SDSL: variants seen among roughly 807,000 people sequenced by gnomAD.
The protein encoded by SDSL is serine dehydratase-like.
SDSL carries 26 observed loss-of-function variants against 27.6 expected under a neutral mutation model. The ratio of observed to expected loss-of-function variants is 0.94; its 90% confidence interval spans 0.69 to 1.31. The LOEUF (loss-of-function observed/expected upper bound fraction) is 1.31, where lower values mean the gene tolerates loss of function less well. SDSL is among the 50% of genes most tolerant of loss of function. SDSL has a pLI of 0.00. For synonymous variants in SDSL, 196 were observed against 180.6 expected, an observed-to-expected ratio of 1.09 and a Z score of -0.69; for missense variants, 431 against 423.5, an observed-to-expected ratio of 1.02 and a Z score of -0.16.
At position 113,429,356 on chromosome 12, in the gene SDSL, C is replaced by T. The variant is rs577974462; in HGVS notation, c.354+57C>T. ...GGTGGGCTGCTCTCCTTCACCTCAC[C>T]CCACCCCTAAGACATCCTGTCTCCT... is the stretch of plus-strand genomic sequence containing the variant. On this transcript the variant is annotated intron_variant, in intron 4 of 7. Coordinates refer to ENST00000403593, the MANE Select transcript of SDSL (RefSeq NM_001304993.2). 2.6e-6 allele frequency: 4 copies of T among 1,545,310 alleles called. No individual in the cohort carries two copies. The African/African-American group carries it at 4.1e-5, about 16-fold the overall frequency.
intron 1 of SDSL, among the ~76,000 whole-genome samples, chr12:113,423,480 C>T (rs755996717): frequency 6.6e-6 from 1 of 152,124 alleles, no homozygotes; most frequent in Non-Finnish European, 1.5e-5. Flanking sequence ...AGGTGGCTCA[C>T]ACCTGTTATC....
chr12:113,428,519 C>T (rs577555864), intron 3 of SDSL, 60 bp downstream of exon 3: 16 of 1,485,908 alleles, frequency 1.1e-5, no homozygotes, highest in South Asian at 5.0e-5. Flanking sequence ...TAGGCTGGAG[C>T]GGCAGTACAC....
Position 113,437,883 on chromosome 12 carries a change from C to A in SDSL, c.797-3C>A, listed in dbSNP as rs1958018069. ...TCCTCTCTCCATCCCCCGATCCTGGCAGATGATGAGCGTATGCTGGTGGAG... is the reference window on the plus strand; with the variant it reads ...TCCTCTCTCCATCCCCCGATCCTGGAAGATGATGAGCGTATGCTGGTGGAG... On this transcript the variant is annotated splice_polypyrimidine_tract_variant and splice_region_variant and intron_variant, in intron 7 of 7. Transcript: ENST00000403593. The A allele has an allele frequency of 1.3e-6, 2 of 1,590,516 alleles. No homozygotes were observed. The highest frequency in any genetic ancestry group is 1.1e-5 in the South Asian group (1 of 88,020).
chr12:113,429,857 G>A (rs944357965), intron 4 of SDSL, among the ~76,000 whole-genome samples: 3 of 152,066 alleles, frequency 2.0e-5, no homozygotes, highest in Non-Finnish European at 4.4e-5. Flanking sequence ...ACTATGGTAC[G>A]TTAAAGCTGG....
At chr12:113,436,383 G>A (rs1332292745) in intron 6 of SDSL, among the ~76,000 whole-genome samples, 1 of 151,814 alleles carries the variant, frequency 6.6e-6, no homozygotes, top group Non-Finnish European at 1.5e-5. Context: ...CTACCTGCTG[G>A]GTTCAAGTGA....
Position 113,435,490 on chromosome 12 carries a change from A to C in SDSL, c.605A>C (p.His202Pro). The change falls in exon 6 of 8, where the codon CAT (histidine) becomes CCT (proline). Residue 202 changes from histidine to proline, a missense_variant. His to Pro is a moderately conservative substitution (Grantham distance 77). Transcript: ENST00000403593. ...GTACCCATCATTGCCATGGAGACCC[A>C]TGGGGCACACTGCTTCAATGCGGCC... ...QHVPIIAMET[H>P]GAHCFNAAIT... 6.2e-7 allele frequency: 1 copy of C among 1,614,126 alleles called. No individual in the cohort carries two copies. Among genetic ancestry groups the C allele is most frequent in the Non-Finnish European group, 8.5e-7 (1 of 1,179,998 alleles).
At chr12:113,432,244 CTTTCTTTCTTTCTTTCTTTCTT>C (rs1273928536) in intron 4 of SDSL, among the ~76,000 whole-genome samples, 55 of 137,568 alleles carry the variant, frequency 4.0e-4, no homozygotes, top group African/African-American at 1.5e-3. Context: ...TTCTTTCTTT[CTTTCTTTCTTTCTTTCTTTCTT>C]TCTTTCTTTC....
chr12:113,426,183 G>C, intron 1 of SDSL: 2 of 454,972 alleles, frequency 4.4e-6, no homozygotes, highest in Non-Finnish European at 8.8e-6. Context: ...CTGCATCCGC[G>C]GCACCCCAAA....
Position 113,434,319 on chromosome 12 carries a change from A to AG in SDSL, c.443+101dup, listed in dbSNP as rs1319778045. ...GGCAGAAGGAGAAACTGAGGCCCAG[A>AG]GGGGAGAAGAGGCTTCAAAGCCAGG... is the stretch of plus-strand genomic sequence containing the variant. On this transcript the variant is annotated intron_variant, in intron 5 of 7. Coordinates refer to ENST00000403593, the MANE Select transcript of SDSL (RefSeq NM_001304993.2). 35 of 885,536 alleles carry AG rather than the reference A, an allele frequency of 4.0e-5. 1 individual carries two copies. Among genetic ancestry groups the AG allele is most frequent in the Non-Finnish European group, 5.5e-5 (32 of 582,672 alleles). The allele number at this position is 885,536 out of a possible 1,614,324, so 54.9% of individuals were successfully genotyped here. A position where few individuals can be genotyped will look rare whatever the true frequency, so the allele number is the denominator to read the frequency against.
intron 2 of SDSL, 68 bp downstream of exon 2, chr12:113,428,224 G>A: frequency 6.8e-7 from 1 of 1,481,478 alleles, no homozygotes; most frequent in Non-Finnish European, 9.2e-7. Flanking sequence ...GAGGGGTGTG[G>A]GCTGGGGACG....
rs1957976109 is a variant in SDSL, at chr12:113,435,375, A to G, written c.490A>G (p.Thr164Ala). 1.9e-6 allele frequency: 3 copies of G among 1,598,642 alleles called. No individual in the cohort carries two copies. In the South Asian group the frequency reaches 3.4e-5, roughly 18 times the overall value. Residue 164 changes from threonine (T) to alanine (A), a missense_variant, in exon 6 of 8, where the codon ACC becomes GCC. By Grantham distance (58) the Thr-to-Ala change is moderately conservative. Transcript: ENST00000403593. Reference protein sequence around the residue: ...LVQELKAVLRTPPGALVLAVG... With the variant: ...LVQELKAVLRAPPGALVLAVG... ...GCAGGAGCTGAAAGCAGTGCTGAGG[A>G]CCCCACCAGGTGCCCTGGTGCTGGC...
intron 2 of SDSL, 130 bp from the exon 3 acceptor site, chr12:113,428,290 G>T (rs1957875980): frequency 1.5e-6 from 2 of 1,306,732 alleles, no homozygotes; most frequent in Admixed American, 2.1e-5. Flanking sequence ...AAAGGTAAGG[G>T]CAGGGCTGTG....
At chr12:113,425,996 C>G (rs1957844961) in intron 1 of SDSL, among the ~76,000 whole-genome samples, 1 of 152,030 alleles carries the variant, frequency 6.6e-6, no homozygotes, top group African/African-American at 2.4e-5. Context: ...CAAAACACCA[C>G]GACCACCACC....
chr12:113,437,609 AT>A (rs376335522), intron 7 of SDSL, among the ~76,000 whole-genome samples: 3 of 152,174 alleles, frequency 2.0e-5, no homozygotes, highest in African/African-American at 7.2e-5. Context: ...GGATATGTTG[AT>A]GGATGGGTAC....
chr12:113,438,255 C>A lies in SDSL; in HGVS notation c.*176C>A. ...CTTTTGGCTCTCCGACAACTCCGGCCAATAAACACTTTCTGAATTGAGTTT... is the reference window on the plus strand; with the variant it reads ...CTTTTGGCTCTCCGACAACTCCGGCAAATAAACACTTTCTGAATTGAGTTT... On this transcript the variant is annotated 3_prime_UTR_variant, in exon 8 of 8. Coordinates refer to ENST00000403593, the MANE Select transcript of SDSL (RefSeq NM_001304993.2). 1 of 521,796 alleles carries A rather than the reference C, an allele frequency of 1.9e-6. No homozygotes were observed. Among genetic ancestry groups the A allele is most frequent in the Non-Finnish European group, 3.4e-6 (1 of 297,296 alleles). The allele number at this position is 521,796 out of a possible 1,614,324, so 32.3% of individuals were successfully genotyped here. A position where few individuals can be genotyped will look rare whatever the true frequency, so the allele number is the denominator to read the frequency against.
chr12:113,429,609 A>T (rs1008403106), intron 4 of SDSL, among the ~76,000 whole-genome samples: 6 of 152,158 alleles, frequency 3.9e-5, no homozygotes, highest in Admixed American at 3.9e-4. Flanking sequence ...TCTACTTTTA[A>T]CATTTTTGCT....
At chr12:113,433,773 A>C (rs373862159) in intron 4 of SDSL, among the ~76,000 whole-genome samples, 4 of 152,220 alleles carry the variant, frequency 2.6e-5, no homozygotes, top group African/African-American at 9.6e-5. Context: ...CCAAGTTGCT[A>C]TCTGGTGTTT....
Position 113,435,570 on chromosome 12 carries a change from G to A in SDSL, c.671+14G>A, listed in dbSNP as rs777984254. ...AGACATCACCAGGTGGGTAAGGGCT[G>A]GGGACATTTGTAGGGGCTGGAGGGT... On this transcript the variant is annotated intron_variant, in intron 6 of 7. Transcript: ENST00000403593. 2.5e-6 allele frequency: 4 copies of A among 1,606,326 alleles called. No homozygotes were observed. The highest frequency in any genetic ancestry group is 3.4e-6 in the Non-Finnish European group (4 of 1,174,622).
chr12:113,435,781 G>T (rs764872804), intron 6 of SDSL, among the ~76,000 whole-genome samples: 9 of 152,304 alleles, frequency 5.9e-5, no homozygotes, highest in Middle Eastern at 3.4e-3. Context: ...AGCTTTCATT[G>T]ACTTATCATT....
Sources: allele counts gnomAD v4.1 joint callset (sites outside exome capture counted in the v4.1 genomes callset), GRCh38; gene constraint gnomAD v4.1.1; transcripts MANE v1.5; gene names NCBI Gene and HGNC (gene_info 2026-07-23, HGNC 2026-07-21).